The following CREM variants were observed in gnomAD, a reference collection of about 807,000 sequenced individuals.
CREM encodes cAMP responsive element modulator, also known as cAMP-responsive element modulator.
A neutral mutation model predicts 37.3 loss-of-function variants in CREM; 13 were observed. The observed-to-expected ratio is 0.35, with a 90% CI of 0.23 to 0.55. The LOEUF (loss-of-function observed/expected upper bound fraction) is 0.55. Ranked by LOEUF, CREM falls within the 20% of genes least tolerant of loss-of-function variation. The pLI is 0.88. For missense variants in CREM, 296 were observed against 362.3 expected (o/e 0.82, Z 1.49); for synonymous variants, 124 against 120.2 (o/e 1.03, Z -0.21).
intron 5 of CREM, 36 bp from the exon 6 acceptor site, chr10:35,188,164 G>T (rs1295285338): frequency 3.8e-6 from 6 of 1,565,062 alleles, no homozygotes; most frequent in Non-Finnish European, 5.2e-6. Context: ...AATAAATCTT[G>T]AAATTCTCTA....
Position 35,147,388 on chromosome 10 carries a change from GTTTATATTTTAACAGGATAAAATTTA to G in CREM, c.45-977_45-952del, listed in dbSNP as rs914041740. 2.3e-4 allele frequency among the ~76,000 whole-genome samples: 35 copies of G among 152,068 alleles called. No homozygotes were observed. In the East Asian group the frequency reaches 5.4e-3, roughly 24 times the overall value. ...TTTAAATTTTAGTTTTGTTTATTTTGTTTATATTTTAACAGGATAAAATTTATTATAATATAGTTTGCCTTCTAAAA... is the reference window on the plus strand; with the variant it reads ...TTTAAATTTTAGTTTTGTTTATTTTGTTATAATATAGTTTGCCTTCTAAAA... On this transcript the variant is annotated intron_variant, in intron 2 of 7. Transcript: ENST00000685392.
intron 3 of CREM, among the ~76,000 whole-genome samples, chr10:35,166,621 C>T (rs1031448164): frequency 2.6e-5 from 4 of 151,094 alleles, no homozygotes; most frequent in East Asian, 1.9e-4. Flanking sequence ...CCCAGCCACT[C>T]GGGAGTTTGA....
At position 35,184,814 on chromosome 10, in the gene CREM, G is replaced by A. The variant is rs116683707; in HGVS notation, c.410-3386G>A. Among the ~76,000 whole-genome samples the A allele has an allele frequency of 6.1e-3, 921 of 152,206 alleles. 11 individuals are homozygous for A. The highest frequency in any genetic ancestry group is 0.021 in the African/African-American group (864 of 41,528). On this transcript the variant is annotated intron_variant, in intron 5 of 7. Transcript: ENST00000685392. The stretch of plus-strand genomic sequence containing the variant: ...GTAAAGCAAAAAGAAAGAGAAAAAA[G>A]GAAGTAAAGGTCTTTGTTATCTACC...
At chr10:35,159,910 G>C (rs193188904) in intron 3 of CREM, among the ~76,000 whole-genome samples, 390 of 152,254 alleles carry the variant, frequency 2.6e-3, no homozygotes, top group African/African-American at 9.0e-3. Flanking sequence ...CAGAAGACCC[G>C]AATAGATTTT....
chr10:35,188,087 A>C (rs1435707121), intron 5 of CREM, 113 bp from the exon 6 acceptor site: 2 of 1,034,016 alleles, frequency 1.9e-6, no homozygotes, highest in Non-Finnish European at 2.8e-6. Flanking sequence ...AAATAAGGGT[A>C]ACCTGAGAAA....
At chr10:35,186,883 A>T (rs1171285912) in intron 5 of CREM, among the ~76,000 whole-genome samples, 12 of 96,350 alleles carry the variant, frequency 1.2e-4, no homozygotes, top group African/African-American at 4.9e-4. Context: ...TATATATAAA[A>T]TATAAATAAT....
intron 5 of CREM, among the ~76,000 whole-genome samples, chr10:35,180,793 G>A (rs2094319276): frequency 6.6e-6 from 1 of 152,228 alleles, no homozygotes; most frequent in South Asian, 2.1e-4. Context: ...TTATGAGAGT[G>A]CTGAGTGCCT....
intron 5 of CREM, among the ~76,000 whole-genome samples, chr10:35,187,059 ATATAATTAATATAATAATATAT>A (rs2094613646): frequency 1.6e-5 from 1 of 64,498 alleles, no homozygotes; most frequent in Non-Finnish European, 2.7e-5. Flanking sequence ...TAATTAATAT[ATATAATTAATATAATAATATAT>A]ATAATATATA....
At chr10:35,201,584 A>G in intron 6 of CREM, 2 of 1,441,824 alleles carry the variant, frequency 1.4e-6, no homozygotes, top group Non-Finnish European at 1.9e-6. Context: ...GTAGTTAATG[A>G]CCAAAATTGA....
intron 1 of CREM, 71 bp from the exon 2 acceptor site, chr10:35,137,711 A>G (rs1378965179): frequency 3.3e-6 from 2 of 607,164 alleles, no homozygotes; most frequent in Non-Finnish European, 5.3e-6. Flanking sequence ...TAATTTAAAT[A>G]AAATTTAATT....
intron 1 of CREM, among the ~76,000 whole-genome samples, chr10:35,134,109 CTA>C (rs2089994390): frequency 4.7e-5 from 7 of 149,102 alleles, no homozygotes; most frequent in Non-Finnish European, 1.5e-5. Flanking sequence ...TGCAATGGTG[CTA>C]TCTCGGCTCA....
At chr10:35,173,689 A>G (rs1004266179) in intron 3 of CREM, among the ~76,000 whole-genome samples, 8 of 152,332 alleles carry the variant, frequency 5.3e-5, no homozygotes, top group East Asian at 1.9e-4. Context: ...TTTGTGTTCA[A>G]TGTCATCCAT....
chr10:35,196,253 G>A (rs986980307), intron 6 of CREM: 12 of 594,454 alleles, frequency 2.0e-5, no homozygotes, highest in Admixed American at 1.8e-4. Context: ...TGTTCAGTCA[G>A]GGAAGTGCTT....
In CREM at chr10:35,174,243, G is replaced by C. The variant is rs145316007; in HGVS notation, c.169-4646G>C. 2.9e-3 allele frequency among the ~76,000 whole-genome samples: 442 copies of C among 152,232 alleles called. 1 individual carries two copies. Among genetic ancestry groups the C allele is most frequent in the African/African-American group, 0.01 (419 of 41,530 alleles). ...CATCTACATAAAGCCCTCACTTACTGTTTGGGCCCATACTGATCTTTCTAT... is the reference window on the plus strand; with the variant it reads ...CATCTACATAAAGCCCTCACTTACTCTTTGGGCCCATACTGATCTTTCTAT... On this transcript the variant is annotated intron_variant, in intron 3 of 7. Coordinates refer to ENST00000685392, the MANE Select transcript of CREM (RefSeq NM_183011.2).
intron 3 of CREM, among the ~76,000 whole-genome samples, chr10:35,171,491 T>A (rs58552047): frequency 6.6e-6 from 1 of 152,094 alleles, no homozygotes; most frequent in African/African-American, 2.4e-5. Context: ...ATTGTTTAAT[T>A]AAAATTCTGA....
At chr10:35,181,442 T>C (rs2094346864) in intron 5 of CREM, among the ~76,000 whole-genome samples, 1 of 152,204 alleles carries the variant, frequency 6.6e-6, no homozygotes, top group Admixed American at 6.5e-5. Context: ...CCAGCCCCAA[T>C]GGCTTCATTC....
At chr10:35,153,670 C>T (rs2092726603) in intron 3 of CREM, among the ~76,000 whole-genome samples, 1 of 152,116 alleles carries the variant, frequency 6.6e-6, no homozygotes, top group Non-Finnish European at 1.5e-5. Context: ...GCTGCTGAAG[C>T]CTGGAGGCCT....
intron 6 of CREM, among the ~76,000 whole-genome samples, chr10:35,195,642 G>A (rs2095125597): frequency 6.6e-6 from 1 of 152,128 alleles, no homozygotes; most frequent in African/African-American, 2.4e-5. Context: ...TTCATGTTCT[G>A]ATTTCATTAC....
intron 1 of CREM, among the ~76,000 whole-genome samples, chr10:35,131,176 T>C (rs2089305954): frequency 1.3e-5 from 2 of 152,236 alleles, no homozygotes; most frequent in South Asian, 4.1e-4. Context: ...AACATCTTTG[T>C]GCATGTTTTC....
Sources: gnomAD v4.1 joint callset for allele counts (sites outside exome capture counted in the v4.1 genomes callset) on GRCh38, gnomAD v4.1.1 for gene constraint, MANE v1.5 for transcripts, NCBI Gene and HGNC (gene_info 2026-07-23, HGNC 2026-07-21) for gene names.